DENND1B: variants seen among roughly 807,000 people sequenced by gnomAD.
DENND1B encodes DENN domain-containing protein 1B.
A neutral mutation model predicts 90.1 loss-of-function variants in DENND1B; 59 were observed. The ratio of observed to expected loss-of-function variants is 0.65; its 90% confidence interval spans 0.53 to 0.81. The LOEUF (loss-of-function observed/expected upper bound fraction) is 0.81, where lower values mean the gene tolerates loss of function less well. Among genes scored for constraint, DENND1B ranks in the 40% least tolerant of loss-of-function variants. The pLI is 0.00. For missense variants in DENND1B, 862 were observed against 912.6 expected (o/e 0.94, Z 0.71); for synonymous variants, 337 against 324.6 (o/e 1.04, Z -0.41).
At chr1:197,668,786 G>T (rs1264867856) in intron 5 of DENND1B, among the ~76,000 whole-genome samples, 1 of 151,854 alleles carries the variant, frequency 6.6e-6, no homozygotes, top group Non-Finnish European at 1.5e-5. Context: ...TCCTAGAACT[G>T]AAATTACTGA....
intron 2 of DENND1B, among the ~76,000 whole-genome samples, chr1:197,764,472 T>C (rs1346935690): frequency 2.0e-5 from 3 of 152,122 alleles, no homozygotes; most frequent in African/African-American, 4.8e-5. Flanking sequence ...CTTTAAGCAA[T>C]AAAAACAAGT....
intron 9 of DENND1B, among the ~76,000 whole-genome samples, chr1:197,643,184 CTTTT>C (rs1364798400): frequency 6.8e-6 from 1 of 146,032 alleles, no homozygotes; most frequent in Non-Finnish European, 1.5e-5. Context: ...TTTTTTTTTT[CTTTT>C]TTGTCACCCA....
intron 15 of DENND1B, among the ~76,000 whole-genome samples, chr1:197,568,440 G>A (rs1040697520): frequency 2.0e-5 from 3 of 152,064 alleles, no homozygotes; most frequent in African/African-American, 7.2e-5. Flanking sequence ...GGGATCTACA[G>A]TTCAACGTAA....
At chr1:197,734,912 C>G (rs1364007100) in intron 2 of DENND1B, 5 of 985,174 alleles carry the variant, frequency 5.1e-6, no homozygotes, top group Non-Finnish European at 6.0e-6. Context: ...TATGTTCCTA[C>G]TCTTTTAATA....
chr1:197,619,120 A>T (rs1677918853), intron 10 of DENND1B, among the ~76,000 whole-genome samples: 1 of 151,262 alleles, frequency 6.6e-6, no homozygotes. Context: ...TTATCATTAA[A>T]GGATTTTACT....
At chr1:197,620,915 T>C (rs892583655) in intron 10 of DENND1B, among the ~76,000 whole-genome samples, 18 of 151,202 alleles carry the variant, frequency 1.2e-4, no homozygotes, top group Admixed American at 4.6e-4. Context: ...GGGGAGCTAT[T>C]TTAGATAGGA....
At chr1:197,631,494 A>C (rs777835206) in intron 10 of DENND1B, among the ~76,000 whole-genome samples, 4 of 152,058 alleles carry the variant, frequency 2.6e-5, no homozygotes, top group Non-Finnish European at 5.9e-5. Context: ...TTCAGACAAT[A>C]TTTCAAATAA....
At chr1:197,604,815 T>C (rs1209629980) in intron 13 of DENND1B, among the ~76,000 whole-genome samples, 2 of 151,186 alleles carry the variant, frequency 1.3e-5, no homozygotes, top group Admixed American at 6.6e-5. Context: ...CTGTTCTGTC[T>C]AGTGGGGCAG....
intron 15 of DENND1B, among the ~76,000 whole-genome samples, chr1:197,558,714 A>G (rs1671913183): frequency 6.6e-6 from 1 of 151,928 alleles, no homozygotes; most frequent in South Asian, 2.1e-4. Flanking sequence ...ATTTTCAAGC[A>G]GCAAAACTGC....
intron 15 of DENND1B, among the ~76,000 whole-genome samples, chr1:197,557,112 C>T (rs747363705): frequency 1.3e-5 from 2 of 151,916 alleles, no homozygotes; most frequent in African/African-American, 2.4e-5. Context: ...CTTTGCTATA[C>T]ATAATGGTAA....
upstream of DENND1B, among the ~76,000 whole-genome samples, chr1:197,780,327 CTTT>C (rs1265410957): frequency 1.0e-4 from 14 of 134,102 alleles, no homozygotes; most frequent in African/African-American, 5.5e-5. Context: ...GGTGGCTTTT[CTTT>C]TTTTTTTTTT....
At chr1:197,572,430 G>A (rs7523909) in intron 15 of DENND1B, among the ~76,000 whole-genome samples, 120,813 of 152,152 alleles carry the variant, frequency 0.79, 48,107 homozygotes, top group East Asian at 0.87. Flanking sequence ...GAACTGGGCG[G>A]AGGCCACTGC....
chr1:197,776,656 A>C (rs1431370640), upstream of DENND1B, among the ~76,000 whole-genome samples: 3 of 152,236 alleles, frequency 2.0e-5, no homozygotes, highest in Non-Finnish European at 4.4e-5. Context: ...GAGTCTTAAG[A>C]ATTAAAAAAC....
chr1:197,563,995 T>G (rs1672397026), intron 15 of DENND1B, among the ~76,000 whole-genome samples: 1 of 151,996 alleles, frequency 6.6e-6, no homozygotes, highest in Non-Finnish European at 1.5e-5. Context: ...AATACGTGAC[T>G]AAATTGCTGT....
At chr1:197,762,406 A>G (rs1262748866) in intron 2 of DENND1B, among the ~76,000 whole-genome samples, 1 of 152,126 alleles carries the variant, frequency 6.6e-6, no homozygotes, top group Non-Finnish European at 1.5e-5. Flanking sequence ...AGCTGAGACT[A>G]CAGGTGCCCG....
At position 197,673,213 on chromosome 1, in the gene DENND1B, T is replaced by C. The variant is rs371203568; in HGVS notation, c.176+907A>G. On this transcript the variant is annotated intron_variant, in intron 4 of 22. Transcript: ENST00000620048. ...GACCTCTAGTGCCCAAGATTCATAATATCCTTTTTGTAGCTGGATCCTAAA... is the reference window on the plus strand; with the variant it reads ...GACCTCTAGTGCCCAAGATTCATAACATCCTTTTTGTAGCTGGATCCTAAA... Among the ~76,000 whole-genome samples the C allele has an allele frequency of 5.9e-4, 89 of 152,080 alleles. 2 individuals are homozygous for C. In the South Asian group the frequency reaches 0.017, roughly 30 times the overall value.
intron 15 of DENND1B, among the ~76,000 whole-genome samples, chr1:197,564,201 A>C (rs562912335): frequency 1.3e-5 from 2 of 152,002 alleles, no homozygotes; most frequent in South Asian, 2.1e-4. Context: ...TTTTGAAAGA[A>C]GTTCTACTGT....
rs530685936 is a variant in DENND1B at position 197,566,383 on chromosome 1, G to C, written c.1150-13271C>G. On this transcript the variant is annotated intron_variant, in intron 15 of 22. Transcript: ENST00000620048. ...TTGTTTGAGTTCATTGTAGATTCTG[G>C]ATATTAGCCCTTTGTCAGATGAATA... Among the ~76,000 whole-genome samples, 3 of 152,050 alleles carry C rather than the reference G, an allele frequency of 2.0e-5. No individual in the cohort carries two copies. In the South Asian group the frequency reaches 6.2e-4, roughly 32 times the overall value.
chr1:197,561,161 C>T (rs901107186), intron 15 of DENND1B, among the ~76,000 whole-genome samples: 1 of 151,954 alleles, frequency 6.6e-6, no homozygotes, highest in Non-Finnish European at 1.5e-5. Flanking sequence ...CCATTCTTCA[C>T]AGCAAAATTC....
Sources: allele counts gnomAD v4.1 joint callset (sites outside exome capture counted in the v4.1 genomes callset), GRCh38; gene constraint gnomAD v4.1.1; transcripts MANE v1.5; gene names NCBI Gene and HGNC (gene_info 2026-07-23, HGNC 2026-07-21).